ME3: variants seen among roughly 807,000 people sequenced by gnomAD.
ME3 encodes malic enzyme 3, also known as NADP-dependent malic enzyme, mitochondrial.
In ME3, 48 loss-of-function variants were observed where a neutral mutation model predicts 68.9. That is an observed-to-expected ratio of 0.70 (90% confidence interval 0.55 to 0.89). ME3 has a LOEUF of 0.89. Ranked by LOEUF, ME3 falls within the 40% of genes least tolerant of loss-of-function variation. The pLI is 0.00. For missense variants in ME3, 675 were observed against 797.4 expected, an observed-to-expected ratio of 0.85 and a Z score of 1.85; for synonymous variants, 320 against 318.8, an observed-to-expected ratio of 1.00 and a Z score of -0.04.
chr11:86,545,863 C>G (rs946610752), intron 4 of ME3, among the ~76,000 whole-genome samples: 32 of 152,236 alleles, frequency 2.1e-4, no homozygotes, highest in Non-Finnish European at 8.8e-5. Flanking sequence ...CAAGACAATC[C>G]TAAGCAAAAA....
At chr11:86,451,276 G>A (rs151134617) in intron 8 of ME3, among the ~76,000 whole-genome samples, 1 of 152,200 alleles carries the variant, frequency 6.6e-6, no homozygotes, top group Non-Finnish European at 1.5e-5. Flanking sequence ...GTGATAAGGA[G>A]GTCTGGGGAA....
intron 2 of ME3, among the ~76,000 whole-genome samples, chr11:86,567,607 G>C (rs1030165663): frequency 3.3e-5 from 5 of 152,228 alleles, no homozygotes; most frequent in African/African-American, 9.6e-5. Context: ...TCTACAAGGA[G>C]AAATGTTTTT....
chr11:86,440,768 T>G (rs536430844), downstream of ME3, among the ~76,000 whole-genome samples: 3 of 152,152 alleles, frequency 2.0e-5, no homozygotes, highest in Non-Finnish European at 2.9e-5. Context: ...GCTCACATTC[T>G]TCATCTCCCC....
intron 7 of ME3, among the ~76,000 whole-genome samples, chr11:86,479,354 T>G (rs992347212): frequency 1.3e-5 from 2 of 152,212 alleles, no homozygotes; most frequent in Non-Finnish European, 2.9e-5. Flanking sequence ...ATCATCACGT[T>G]AGCCACTTCT....
chr11:86,611,542 A>G (rs1565212782), intron 2 of ME3, among the ~76,000 whole-genome samples: 1 of 149,826 alleles, frequency 6.7e-6, no homozygotes, highest in Admixed American at 6.6e-5. Flanking sequence ...ATATATATCA[A>G]ATCATCACAT....
intron 2 of ME3, among the ~76,000 whole-genome samples, chr11:86,644,159 C>G (rs1388119012): frequency 6.6e-6 from 1 of 152,120 alleles, no homozygotes; most frequent in Non-Finnish European, 1.5e-5. Flanking sequence ...CACAGTGGGG[C>G]AGCCCCGGTT....
At chr11:86,620,416 T>C (rs969101582) in intron 2 of ME3, among the ~76,000 whole-genome samples, 5 of 152,246 alleles carry the variant, frequency 3.3e-5, no homozygotes, top group African/African-American at 1.2e-4. Context: ...TGATCACTGC[T>C]AGCTGTTGTC....
intron 2 of ME3, among the ~76,000 whole-genome samples, chr11:86,585,876 T>C (rs956139534): frequency 2.0e-5 from 3 of 151,960 alleles, no homozygotes; most frequent in Non-Finnish European, 4.4e-5. Context: ...AACCACAAGA[T>C]GGGTTGTCAC....
At chr11:86,597,536 C>G (rs1451259092) in intron 2 of ME3, among the ~76,000 whole-genome samples, 2 of 152,208 alleles carry the variant, frequency 1.3e-5, no homozygotes, top group African/African-American at 4.8e-5. Context: ...TCCTTGTCCA[C>G]CTCACCCCAC....
chr11:86,513,730 C>T (rs911757832), intron 4 of ME3, among the ~76,000 whole-genome samples: 1 of 152,126 alleles, frequency 6.6e-6, no homozygotes, highest in Non-Finnish European at 1.5e-5. Flanking sequence ...ATTGCAGGTG[C>T]CAGTCAGAAC....
At chr11:86,660,953 C>T (rs1251605336) in intron 2 of ME3, among the ~76,000 whole-genome samples, 1 of 152,164 alleles carries the variant, frequency 6.6e-6, no homozygotes, top group Non-Finnish European at 1.5e-5. Context: ...AAGATTTTCA[C>T]CATCTTTTCA....
intron 4 of ME3, among the ~76,000 whole-genome samples, chr11:86,511,422 T>G (rs1484166141): frequency 6.6e-6 from 1 of 152,196 alleles, no homozygotes; most frequent in African/African-American, 2.4e-5. Context: ...CAGTGCTACT[T>G]TGAAACCGCC....
At chr11:86,453,812 T>G (rs1321141568) in intron 8 of ME3, among the ~76,000 whole-genome samples, 3 of 152,310 alleles carry the variant, frequency 2.0e-5, no homozygotes, top group Non-Finnish European at 2.9e-5. Context: ...GGTTTGCAGT[T>G]TGGCTGTCAC....
At chr11:86,616,840 C>T (rs1000182289) in intron 2 of ME3, among the ~76,000 whole-genome samples, 5 of 151,884 alleles carry the variant, frequency 3.3e-5, no homozygotes, top group African/African-American at 9.7e-5. Flanking sequence ...AAAAGAGGCA[C>T]CAATAGAAAA....
At chr11:86,618,795 G>A (rs909183331) in intron 2 of ME3, among the ~76,000 whole-genome samples, 1 of 150,278 alleles carries the variant, frequency 6.7e-6, no homozygotes, top group Non-Finnish European at 1.5e-5. Context: ...TCGGCTCACT[G>A]CAACCTCCAC....
intron 7 of ME3, among the ~76,000 whole-genome samples, chr11:86,473,151 A>T (rs1461291251): frequency 6.6e-6 from 1 of 152,090 alleles, no homozygotes; most frequent in East Asian, 1.9e-4. Flanking sequence ...GCAGAGAGAG[A>T]TAGTGGAAGA....
At chr11:86,530,436 T>C (rs1955123692) in intron 4 of ME3, among the ~76,000 whole-genome samples, 1 of 152,210 alleles carries the variant, frequency 6.6e-6, no homozygotes, top group African/African-American at 2.4e-5. Flanking sequence ...AGGTAATTTA[T>C]ACATTCAATG....
intron 2 of ME3, among the ~76,000 whole-genome samples, chr11:86,600,077 G>A (rs1049514566): frequency 3.9e-5 from 6 of 152,148 alleles, no homozygotes; most frequent in African/African-American, 1.4e-4. Context: ...ACATCATAAT[G>A]ACAGGATCAA....
At chr11:86,446,286 G>C (rs772917781) in intron 13 of ME3, 28 bp downstream of exon 13, 1 of 1,611,830 alleles carries the variant, frequency 6.2e-7, no homozygotes, top group Non-Finnish European at 8.5e-7. Context: ...CCTACTGCAA[G>C]CATTTGAGGG....
Sources: allele counts gnomAD v4.1 joint callset (sites outside exome capture counted in the v4.1 genomes callset), GRCh38; gene constraint gnomAD v4.1.1; transcripts MANE v1.5; gene names NCBI Gene and HGNC (gene_info 2026-07-23, HGNC 2026-07-21).